Variants in ATP11C observed in about 807,000 individuals in gnomAD.
The protein encoded by ATP11C is phospholipid-transporting ATPase IG.
A neutral mutation model predicts 97.4 loss-of-function variants in ATP11C; 36 were observed. The ratio of observed to expected loss-of-function variants is 0.37; its 90% CI spans 0.28 to 0.49. The LOEUF (loss-of-function observed/expected upper bound fraction) is 0.49. Among genes scored for constraint, ATP11C ranks in the 20% least tolerant of loss-of-function variants. The pLI is 0.98. For synonymous variants in ATP11C, 275 were observed against 290.9 expected (o/e 0.95, Z 0.56); for missense variants, 730 against 824.6 (o/e 0.89, Z 1.40).
chrX:139,896,546 T>TACACACACAC (rs61153084), intron 1 of ATP11C, among the ~76,000 whole-genome samples: 1 of 79,810 alleles, frequency 1.3e-5, no homozygotes, highest in Non-Finnish European at 2.4e-5. Flanking sequence ...GTTAATTTTA[T>TACACACACAC]ACACACACAC....
At chrX:139,818,053 T>C (rs1478527049) in intron 3 of ATP11C, among the ~76,000 whole-genome samples, 1 of 111,413 alleles carries the variant, frequency 9.0e-6, no homozygotes, top group Non-Finnish European at 1.9e-5. Context: ...TCTGTGACTT[T>C]AGGCAATCTC....
At chrX:139,841,517 G>A (rs2083830266) in intron 1 of ATP11C, among the ~76,000 whole-genome samples, 1 of 112,495 alleles carries the variant, frequency 8.9e-6, no homozygotes, top group Non-Finnish European at 1.9e-5. Context: ...TTGTTCAAAT[G>A]AAACTCCAAA....
chrX:139,847,927 C>T (rs1731687814), intron 1 of ATP11C, among the ~76,000 whole-genome samples: 1 of 110,907 alleles, frequency 9.0e-6, no homozygotes, highest in Non-Finnish European at 1.9e-5. Context: ...TTACTCCATA[C>T]TCATGGCATC....
At chrX:139,850,311 G>A (rs1234487065) in intron 1 of ATP11C, among the ~76,000 whole-genome samples, 1 of 111,181 alleles carries the variant, frequency 9.0e-6, no homozygotes, top group Non-Finnish European at 1.9e-5. Context: ...TACTTAAGGG[G>A]TCATGATCAG....
At chrX:139,824,106 G>A (rs773605884) in intron 2 of ATP11C, among the ~76,000 whole-genome samples, 7 of 81,851 alleles carry the variant, frequency 8.6e-5, no homozygotes, top group African/African-American at 3.0e-4. Flanking sequence ...GTGAAACCCC[G>A]TCTCTACTAA....
intron 7 of ATP11C, 35 bp downstream of exon 7, chrX:139,802,201 C>A: frequency 9.8e-7 from 1 of 1,023,086 alleles, no homozygotes; most frequent in Non-Finnish European, 1.4e-6. Flanking sequence ...GCAGAGCCAA[C>A]AAACAGAAGT....
chrX:139,871,414 G>A lies in ATP11C; in HGVS notation c.28-44591C>T, dbSNP rs369093906. Among the ~76,000 whole-genome samples the A allele has an allele frequency of 4.6e-5, 5 of 108,586 alleles. No individual in the cohort carries two copies. In the East Asian group the frequency reaches 1.5e-3, roughly 32 times the overall value. 94.3% of individuals were successfully genotyped at this position (108,586 alleles called of 115,157 possible). ...GGTAGAGATGGGGTTTCACTATGTT[G>A]GCCAGGCTGGTCTCGAACTCCTCAC... On this transcript the variant is annotated intron_variant, in intron 1 of 29. Coordinates refer to ENST00000682941, the MANE Select transcript of ATP11C (RefSeq NM_001353812.2).
intron 1 of ATP11C, among the ~76,000 whole-genome samples, chrX:139,859,597 A>C (rs1242895921): frequency 2.7e-5 from 3 of 112,142 alleles, no homozygotes; most frequent in Non-Finnish European, 5.6e-5. Flanking sequence ...TGCAACCTTA[A>C]TGTGTTACCA....
intron 28 of ATP11C, among the ~76,000 whole-genome samples, chrX:139,733,408 A>G (rs1372131886): frequency 8.9e-6 from 1 of 112,390 alleles, no homozygotes; most frequent in Non-Finnish European, 1.9e-5. Context: ...TTGTCTACTT[A>G]GTGACCTAAA....
chrX:139,766,229 A>T (rs1168190208), intron 20 of ATP11C, among the ~76,000 whole-genome samples: 2 of 111,843 alleles, frequency 1.8e-5, no homozygotes, highest in Non-Finnish European at 3.8e-5. Context: ...AAATAACTAT[A>T]GTGACAGAAA....
chrX:139,863,537 TTAAAA>T (rs928843443), intron 1 of ATP11C, among the ~76,000 whole-genome samples: 1 of 109,192 alleles, frequency 9.2e-6, no homozygotes, highest in African/African-American at 3.3e-5. Context: ...TGCCTCAAAA[TTAAAA>T]TAAAATAAAA....
chrX:139,878,116 C>T (rs2084506198), intron 1 of ATP11C, among the ~76,000 whole-genome samples: 1 of 112,259 alleles, frequency 8.9e-6, no homozygotes, highest in African/African-American at 3.2e-5. Flanking sequence ...CCTGAATCTA[C>T]CCTTTCTTAG....
intron 16 of ATP11C, 63 bp from the exon 17 acceptor site, chrX:139,783,330 G>C (rs1045032398): frequency 1.2e-4 from 105 of 845,104 alleles, no homozygotes; most frequent in Non-Finnish European, 1.7e-4. Context: ...GTTTTAGTAA[G>C]AGTAACTTTT....
chrX:139,872,131 T>C (rs1290502093), intron 1 of ATP11C, among the ~76,000 whole-genome samples: 3 of 111,347 alleles, frequency 2.7e-5, no homozygotes. Flanking sequence ...TGTAAACAGC[T>C]AAAAATTGAT....
In ATP11C at chrX:139,932,336, C is replaced by G. The variant is rs1603421327; in HGVS notation, c.-294G>C. The G allele has an allele frequency of 1.8e-5, 2 of 109,575 alleles. No individual in the cohort carries two copies. Among genetic ancestry groups the G allele is most frequent in the East Asian group, 3.0e-4 (1 of 3,369 alleles). The allele number at this position is 109,575 out of a possible 1,213,427, so 9.0% of individuals were successfully genotyped here. A position where few individuals can be genotyped will look rare whatever the true frequency, so the allele number is the denominator to read the frequency against. ...TGGCCCCGGCACCCCGGGCCGGCAGCTCGCGCAGCACCCACTGAGAAGGCG... is the reference window on the plus strand; with the variant it reads ...TGGCCCCGGCACCCCGGGCCGGCAGGTCGCGCAGCACCCACTGAGAAGGCG... On this transcript the variant is annotated 5_prime_UTR_variant, in exon 1 of 30. Coordinates refer to ENST00000682941, the MANE Select transcript of ATP11C (RefSeq NM_001353812.2).
chrX:139,771,231 G>A (rs1603354348), intron 19 of ATP11C, among the ~76,000 whole-genome samples: 1 of 111,586 alleles, frequency 9.0e-6, no homozygotes, highest in East Asian at 2.8e-4. Flanking sequence ...TCGGGTTTCC[G>A]CTTTTGCTTC....
At position 139,742,727 on chromosome X, in the gene ATP11C, A is replaced by G. The variant is rs144486347; in HGVS notation, c.3030+832T>C. 3.9e-3 allele frequency among the ~76,000 whole-genome samples: 427 copies of G among 110,019 alleles called. 2 individuals are homozygous for G. The highest frequency in any genetic ancestry group is 0.013 in the African/African-American group (396 of 30,345). On this transcript the variant is annotated intron_variant, in intron 26 of 29. Coordinates refer to ENST00000682941, the MANE Select transcript of ATP11C (RefSeq NM_001353812.2). ...AGCATTATCACATGGCTGCATGTCAATGCCAATGATTTTGCCAAAATTACC... is the reference window on the plus strand; with the variant it reads ...AGCATTATCACATGGCTGCATGTCAGTGCCAATGATTTTGCCAAAATTACC...
chrX:139,788,135 C>T, intron 14 of ATP11C, 57 bp downstream of exon 14: 1 of 1,039,274 alleles, frequency 9.6e-7, no homozygotes, highest in Non-Finnish European at 1.3e-6. Flanking sequence ...AAACAAATAA[C>T]TTCTGTCCTC....
intron 1 of ATP11C, among the ~76,000 whole-genome samples, chrX:139,836,527 A>C (rs867727665): frequency 1.8e-5 from 2 of 111,887 alleles, no homozygotes; most frequent in African/African-American, 6.5e-5. Flanking sequence ...ACAAAAACAA[A>C]CAAAAACAAT....
Sources: gnomAD v4.1 joint callset for allele counts (sites outside exome capture counted in the v4.1 genomes callset) on GRCh38, gnomAD v4.1.1 for gene constraint, MANE v1.5 for transcripts, NCBI Gene and HGNC (gene_info 2026-07-23, HGNC 2026-07-21) for gene names.